The following RIOK1 variants were observed in gnomAD, a reference collection of about 807,000 sequenced individuals.
RIOK1 encodes the protein RIO kinase 1, also known as serine/threonine-protein kinase RIO1.
In RIOK1, 66 loss-of-function variants were observed where a neutral mutation model predicts 73.5. The ratio of observed to expected loss-of-function variants is 0.90; its 90% CI spans 0.74 to 1.10. The LOEUF (loss-of-function observed/expected upper bound fraction) is 1.10, where lower values mean the gene tolerates loss of function less well. RIOK1 is among the 50% of genes least tolerant of loss of function. The probability of loss-of-function intolerance (pLI) is 0.00; values close to 1 mark genes in which losing one functional copy is unlikely to be tolerated. For synonymous variants in RIOK1, 224 were observed against 226.8 expected, an observed-to-expected ratio of 0.99 and a Z score of 0.11; for missense variants, 658 against 699.8, an observed-to-expected ratio of 0.94 and a Z score of 0.67.
In RIOK1 at chr6:7,414,332, A is replaced by G. The variant is rs780316658; in HGVS notation, c.1538A>G (p.Glu513Gly). ...GAGTGCTCTGACACAGACTCTGAAG[A>G]GCAGGGAGACCATGCCCGCCCCAAG... ...SSECSDTDSEEQGDHARPKKH... is the reference protein window; with the variant it reads ...SSECSDTDSEGQGDHARPKKH... The change falls in exon 16 of 17, where the codon GAG (glutamate) becomes GGG (glycine). Residue 513 changes from glutamate (E) to glycine (G), a missense_variant. Transcript: ENST00000379834. 6.2e-7 allele frequency: 1 copy of G among 1,614,030 alleles called. No individual in the cohort carries two copies. The highest frequency in any genetic ancestry group is 2.2e-5 in the East Asian group (1 of 44,880).
At chr6:7,392,454 A>G (rs750283602) in intron 1 of RIOK1, among the ~76,000 whole-genome samples, 9 of 152,002 alleles carry the variant, frequency 5.9e-5, no homozygotes, top group South Asian at 4.2e-4. Flanking sequence ...TTTTATTGCA[A>G]AGTGTTATCG....
At position 7,404,535 on chromosome 6, in the gene RIOK1, T is replaced by C. The variant is rs766186340; in HGVS notation, c.972T>C (p.Asp324=). The C allele has an allele frequency of 2.5e-6, 4 of 1,613,994 alleles. No homozygotes were observed. The change falls in exon 10 of 17, where the codon GAT becomes GAC. Residue 324 remains aspartate (D), a synonymous_variant. Coordinates refer to ENST00000379834, the MANE Select transcript of RIOK1 (RefSeq NM_031480.3). ...MYQDARLVHA[D]LSEFNMLYHG... is the part of the protein sequence containing the mutation. ...AGGATGCCAGACTTGTCCATGCAGA[T>C]CTCAGTGAATTTAACATGCTGTGAG...
intron 16 of RIOK1, among the ~76,000 whole-genome samples, chr6:7,414,996 A>C (rs184907305): frequency 6.6e-6 from 1 of 152,204 alleles, no homozygotes; most frequent in African/African-American, 2.4e-5. Context: ...CTTCTTGGCT[A>C]TCAGTTCAGC....
intron 13 of RIOK1, 54 bp from the exon 14 acceptor site, chr6:7,411,278 G>A: frequency 6.3e-7 from 1 of 1,593,614 alleles, no homozygotes. Context: ...TATGCTGTGT[G>A]AATGTGAGAA....
intron 6 of RIOK1, among the ~76,000 whole-genome samples, chr6:7,401,461 G>A (rs1761610225): frequency 6.6e-6 from 1 of 152,114 alleles, no homozygotes; most frequent in African/African-American, 2.4e-5. Flanking sequence ...ACTCCAGCTT[G>A]AAGGAAACTC....
chr6:7,403,895 C>A (rs778652514), intron 8 of RIOK1, 46 bp from the exon 9 acceptor site: 4 of 1,338,098 alleles, frequency 3.0e-6, no homozygotes, highest in East Asian at 2.3e-5. Flanking sequence ...TATTTAGATG[C>A]CTTTTCAACT....
chr6:7,402,516 C>T, intron 6 of RIOK1, 87 bp from the exon 7 acceptor site: 1 of 912,164 alleles, frequency 1.1e-6, no homozygotes, highest in Admixed American at 2.6e-5. Flanking sequence ...TTTCAGTTCA[C>T]TTGACTTTTG....
At chr6:7,413,499 T>G (rs1459732780) in intron 15 of RIOK1, among the ~76,000 whole-genome samples, 2 of 152,246 alleles carry the variant, frequency 1.3e-5, no homozygotes, top group African/African-American at 4.8e-5. Context: ...ATCTTCCTAA[T>G]TGAAGACTTA....
intron 3 of RIOK1, among the ~76,000 whole-genome samples, chr6:7,396,276 A>G (rs1016397808): frequency 6.6e-6 from 1 of 152,174 alleles, no homozygotes; most frequent in African/African-American, 2.4e-5. Context: ...TAAGCTGTCA[A>G]TACATGCTAA....
intron 16 of RIOK1, among the ~76,000 whole-genome samples, chr6:7,414,752 C>G (rs1348858500): frequency 6.6e-6 from 1 of 152,206 alleles, no homozygotes; most frequent in Non-Finnish European, 1.5e-5. Flanking sequence ...TAATAGTCCC[C>G]CCATCCATGC....
At chr6:7,416,235 A>G (rs140781792) in intron 16 of RIOK1, among the ~76,000 whole-genome samples, 26 of 152,352 alleles carry the variant, frequency 1.7e-4, no homozygotes, top group African/African-American at 5.5e-4. Context: ...CTAGAAACAC[A>G]TATTTTGTCT....
At position 7,404,389 on chromosome 6, in the gene RIOK1, T is replaced by A. The variant is rs1221138644; in HGVS notation, c.855-29T>A. On this transcript the variant is annotated intron_variant, in intron 9 of 16. Coordinates refer to ENST00000379834, the MANE Select transcript of RIOK1 (RefSeq NM_031480.3). ...AAGAAGCAAGAAAACTTGTTCTTGG[T>A]CATTTTATCTTAGTTCTTTTCATTC... The A allele has an allele frequency of 2.5e-6, 4 of 1,611,908 alleles. No individual in the cohort carries two copies. The Admixed American group carries it at 6.7e-5, about 27-fold the overall frequency.
intron 12 of RIOK1, among the ~76,000 whole-genome samples, chr6:7,407,048 C>T (rs554406083): frequency 4.7e-4 from 72 of 152,338 alleles, no homozygotes; most frequent in African/African-American, 1.7e-3. Flanking sequence ...GATGGACATA[C>T]GGGTTGCTTA....
At chr6:7,411,587 G>C in intron 14 of RIOK1, 136 bp downstream of exon 14, 4 of 857,100 alleles carry the variant, frequency 4.7e-6, no homozygotes, top group Non-Finnish European at 7.3e-6. Context: ...AACTCTATCT[G>C]TGTTAACTTG....
chr6:7,412,892 C>G lies in RIOK1; in HGVS notation c.1393C>G (p.Leu465Val). The change falls in exon 15 of 17, where the codon CTA (leucine) becomes GTA (valine). Residue 465 changes from leucine (L) to valine (V), a missense_variant. Transcript: ENST00000379834. ...TTTTTTTCATTTTGGTTATAAGATTCTATACCAGACTGTTACAGGATTGAA... is the reference window on the plus strand; with the variant it reads ...TTTTTTTCATTTTGGTTATAAGATTGTATACCAGACTGTTACAGGATTGAA... ...MAMNAQQDNI[L>V]YQTVTGLKKD... 6.7e-7 allele frequency: 1 copy of G among 1,488,572 alleles called. No individual in the cohort carries two copies. The highest frequency in any genetic ancestry group is 1.3e-5 in the South Asian group (1 of 77,944). 92.2% of individuals were successfully genotyped at this position (1,488,572 alleles called of 1,614,324 possible).
chr6:7,394,660 T>G (rs549692068), intron 2 of RIOK1, among the ~76,000 whole-genome samples: 1 of 152,312 alleles, frequency 6.6e-6, no homozygotes, highest in Admixed American at 6.5e-5. Context: ...CTTGAGACAT[T>G]GGGCCCAAAA....
chr6:7,414,150 C>A lies in RIOK1; in HGVS notation c.1444-88C>A, dbSNP rs1360247823. On this transcript the variant is annotated intron_variant, in intron 15 of 16. Transcript: ENST00000379834. ...TAACATATATTTGCGAGCCTAAAATCTGAATTCTGGCATTAACACATTTAA... is the reference window on the plus strand; with the variant it reads ...TAACATATATTTGCGAGCCTAAAATATGAATTCTGGCATTAACACATTTAA... 4.7e-6 allele frequency: 6 copies of A among 1,270,830 alleles called. No homozygotes were observed. In the East Asian group the frequency reaches 1.5e-4, roughly 31 times the overall value. 78.7% of individuals were successfully genotyped at this position (1,270,830 alleles called of 1,614,324 possible). A position where few individuals can be genotyped will look rare whatever the true frequency, so the allele number is the denominator to read the frequency against.
intron 16 of RIOK1, among the ~76,000 whole-genome samples, chr6:7,414,956 A>ACACTCCCCACCC (rs1486917069): frequency 6.6e-6 from 1 of 152,080 alleles, no homozygotes. Context: ...CACACTGTCG[A>ACACTCCCCACCC]CACTCCCCAC....
At chr6:7,408,878 T>C (rs1160771433) in intron 12 of RIOK1, among the ~76,000 whole-genome samples, 1 of 149,150 alleles carries the variant, frequency 6.7e-6, no homozygotes, top group Non-Finnish European at 1.5e-5. Flanking sequence ...TGCGCCCCCA[T>C]GCCCAGCTAA....
Sources: allele counts gnomAD v4.1 joint callset (sites outside exome capture counted in the v4.1 genomes callset), GRCh38; gene constraint gnomAD v4.1.1; transcripts MANE v1.5; gene names NCBI Gene and HGNC (gene_info 2026-07-23, HGNC 2026-07-21).